Variants in TLN2 observed in about 807,000 individuals in gnomAD.
The protein encoded by TLN2 is talin-2.
Under a neutral mutation model 294.7 loss-of-function variants are expected in TLN2, and 118 were observed. The observed-to-expected ratio is 0.40, with a 90% CI of 0.34 to 0.47. The LOEUF is 0.47. Ranked by LOEUF, TLN2 falls within the 20% of genes least tolerant of loss-of-function variation. TLN2 has a pLI of 0.84. For missense variants in TLN2, 3,083 were observed against 3,282.2 expected (o/e 0.94, Z 1.48); for synonymous variants, 1,431 against 1,304.5 (o/e 1.10, Z -2.09).
At chr15:62,772,723 C>T (rs748997276) in intron 42 of TLN2, among the ~76,000 whole-genome samples, 8 of 151,650 alleles carry the variant, frequency 5.3e-5, no homozygotes, top group Non-Finnish European at 8.8e-5. Context: ...AGTGCAATGG[C>T]GCGATCTCGG....
chr15:62,741,754 T>C (rs201377566), intron 32 of TLN2, among the ~76,000 whole-genome samples: 11 of 111,458 alleles, frequency 9.9e-5, no homozygotes, highest in Non-Finnish European at 2.1e-4. Context: ...TGCGCGTGTG[T>C]GTGTGTGTGT....
At chr15:62,526,101 C>A (rs1302792704) in intron 1 of TLN2, among the ~76,000 whole-genome samples, 1 of 152,098 alleles carries the variant, frequency 6.6e-6, no homozygotes, top group Admixed American at 6.5e-5. Flanking sequence ...TTAACAAACT[C>A]AATAAGCAAA....
chr15:62,754,050 A>G (rs2062085744), intron 36 of TLN2, 134 bp downstream of exon 36: 2 of 1,227,570 alleles, frequency 1.6e-6, no homozygotes, highest in Non-Finnish European at 2.1e-6. Context: ...CCAGCATTGT[A>G]GATAATGACT....
At chr15:62,662,916 C>T (rs550502353) in intron 9 of TLN2, among the ~76,000 whole-genome samples, 41 of 142,388 alleles carry the variant, frequency 2.9e-4, no homozygotes, top group Admixed American at 2.0e-3. Context: ...CTCTGCCTCC[C>T]GGGTTCACTC....
At chr15:62,744,057 C>A (rs78711922) in intron 32 of TLN2, among the ~76,000 whole-genome samples, 12,607 of 152,278 alleles carry the variant, frequency 0.083, 792 homozygotes, top group Admixed American at 0.21. Context: ...GAGACCTTTG[C>A]TCTCTGTGGG....
At chr15:62,746,131 A>G (rs2061595464) in intron 32 of TLN2, among the ~76,000 whole-genome samples, 1 of 150,826 alleles carries the variant, frequency 6.6e-6, no homozygotes, top group African/African-American at 2.5e-5. Flanking sequence ...TTTCAATGGA[A>G]GAAACTTTTA....
At chr15:62,667,668 C>G (rs1186756473) in intron 9 of TLN2, among the ~76,000 whole-genome samples, 1 of 152,222 alleles carries the variant, frequency 6.6e-6, no homozygotes, top group African/African-American at 2.4e-5. Context: ...CATGCAGTGA[C>G]TTGATGGCAG....
In TLN2 at chr15:62,750,463, G is replaced by A; in HGVS notation, c.4181G>A (p.Cys1394Tyr). ...EPVSDLSYFDCIESVMENSKV... is the reference protein window; with the variant it reads ...EPVSDLSYFDYIESVMENSKV... Reference sequence around the variant, plus strand: ...GTTAGTGACCTCTCTTACTTTGACTGCATTGAGAGTGTGATGGAAAACTCC... The same window carrying A: ...GTTAGTGACCTCTCTTACTTTGACTACATTGAGAGTGTGATGGAAAACTCC... The change falls in exon 34 of 59, where the codon TGC becomes TAC. Residue 1394 changes from cysteine (C) to tyrosine (Y), a missense_variant. Cys to Tyr is a radical substitution (Grantham distance 194). Coordinates refer to ENST00000636159, the MANE Select transcript of TLN2 (RefSeq NM_015059.3). The A allele has an allele frequency of 6.2e-7, 1 of 1,614,186 alleles. No homozygotes were observed. Among genetic ancestry groups the A allele is most frequent in the Non-Finnish European group, 8.5e-7 (1 of 1,180,020 alleles).
At chr15:62,820,363 T>C in intron 53 of TLN2, 123 bp from the exon 54 acceptor site, 1 of 868,152 alleles carries the variant, frequency 1.2e-6, no homozygotes, top group Non-Finnish European at 1.5e-6. Context: ...GAAGGTTCCT[T>C]AGGACAATGC....
At chr15:62,748,131 G>A (rs1355175655) in intron 32 of TLN2, among the ~76,000 whole-genome samples, 7 of 152,228 alleles carry the variant, frequency 4.6e-5, no homozygotes, top group African/African-American at 1.4e-4. Context: ...ACCCCTTCCA[G>A]ATCTAGCAAA....
chr15:62,766,154 A>G (rs964202017), intron 40 of TLN2, among the ~76,000 whole-genome samples, 167 bp from the exon 41 acceptor site: 13 of 152,238 alleles, frequency 8.5e-5, no homozygotes, highest in African/African-American at 2.9e-4. Flanking sequence ...GGGAGGAGTC[A>G]TCACTGAGAA....
intron 12 of TLN2, among the ~76,000 whole-genome samples, chr15:62,692,089 T>C (rs2057967869): frequency 6.6e-6 from 1 of 152,218 alleles, no homozygotes; most frequent in Admixed American, 6.5e-5. Context: ...AATGACAGTT[T>C]TATTCTCTGA....
chr15:62,415,583 C>G lies in TLN2; in HGVS notation c.-238+24898C>G, dbSNP rs568966545. Among the ~76,000 whole-genome samples the G allele has an allele frequency of 6.9e-5, 7 of 101,806 alleles. 2 individuals are homozygous for G. The South Asian group carries it at 3.8e-3, about 55-fold the overall frequency. The allele number at this position is 101,806 out of a possible 152,430, so 66.8% of individuals were successfully genotyped here. ...CTAACAGTGCCCATTCATTTAACCCCTGCTTGCCCCATTCTGGGGAAACAG... is the reference window on the plus strand; with the variant it reads ...CTAACAGTGCCCATTCATTTAACCCGTGCTTGCCCCATTCTGGGGAAACAG... On this transcript the variant is annotated intron_variant, in intron 1 of 58. Transcript: ENST00000636159.
chr15:62,504,844 TGTGAGAGA>T (rs1185678045), intron 1 of TLN2, among the ~76,000 whole-genome samples: 41 of 142,130 alleles, frequency 2.9e-4, no homozygotes, highest in Non-Finnish European at 5.4e-4. Context: ...TGTGTGTGTG[TGTGAGAGA>T]GAGAGAGAGA....
At chr15:62,732,121 T>C (rs562445197) in intron 28 of TLN2, among the ~76,000 whole-genome samples, 1 of 152,276 alleles carries the variant, frequency 6.6e-6, no homozygotes, top group Admixed American at 6.5e-5. Context: ...ATGATAAAAT[T>C]CTTAGAAAAT....
chr15:62,449,335 C>CCTGATG (rs2140317665), intron 1 of TLN2, among the ~76,000 whole-genome samples: 1 of 152,202 alleles, frequency 6.6e-6, no homozygotes, highest in South Asian at 2.1e-4. Flanking sequence ...AGAGTTTGGT[C>CCTGATG]CTGATGCTGA....
At chr15:62,839,079 CT>C in intron 58 of TLN2, 98 bp downstream of exon 58, 1 of 1,470,980 alleles carries the variant, frequency 6.8e-7, no homozygotes, top group Non-Finnish European at 9.2e-7. Flanking sequence ...AAGTTTATTT[CT>C]TCCTCGTGTA....
At chr15:62,403,134 A>C (rs1221222084) in intron 1 of TLN2, among the ~76,000 whole-genome samples, 1 of 151,590 alleles carries the variant, frequency 6.6e-6, no homozygotes, top group East Asian at 1.9e-4. Flanking sequence ...GCTACTCGGG[A>C]GGCTGAGACA....
intron 29 of TLN2, 131 bp downstream of exon 29, chr15:62,737,217 G>T: frequency 1.1e-6 from 1 of 935,722 alleles, no homozygotes; most frequent in Non-Finnish European, 1.6e-6. Flanking sequence ...ACTTCCAAAG[G>T]TCATAACGAT....
Sources: allele counts gnomAD v4.1 joint callset (sites outside exome capture counted in the v4.1 genomes callset), GRCh38; gene constraint gnomAD v4.1.1; transcripts MANE v1.5; gene names NCBI Gene and HGNC (gene_info 2026-07-23, HGNC 2026-07-21).